The following HMGN3 variants were observed in gnomAD, a reference collection of about 807,000 sequenced individuals.
HMGN3 encodes the protein high mobility group nucleosomal binding domain 3.
HMGN3 carries 6 observed loss-of-function variants against 18.8 expected under a neutral mutation model. That is an observed-to-expected ratio of 0.32 (90% CI 0.18 to 0.63). HMGN3 has a LOEUF of 0.63. Among genes scored for constraint, HMGN3 ranks in the 30% least tolerant of loss-of-function variants. The pLI, the probability that HMGN3 is intolerant of heterozygous loss-of-function variation, is 0.79. For missense variants in HMGN3, 107 were observed against 114.2 expected, an observed-to-expected ratio of 0.94 and a Z score of 0.29; for synonymous variants, 40 against 36.5, an observed-to-expected ratio of 1.10 and a Z score of -0.35.
At chr6:79,216,539 T>C (rs1776991710) in intron 1 of HMGN3, among the ~76,000 whole-genome samples, 1 of 152,232 alleles carries the variant, frequency 6.6e-6, no homozygotes, top group Admixed American at 6.5e-5. Context: ...ACCCAGAGCC[T>C]ATCATATGCC....
rs114465555 is a variant in HMGN3, at chr6:79,208,565, C to T, written c.78G>A (p.Arg26=). ...TACTTACCGCTGACAATCTGGCAGA[C>T]CGTCTTGTGGGCTACAAAGGGAATG... Residue 26 remains arginine, a synonymous_variant, in exon 3 of 6, where the codon CGG becomes CGA. Coordinates refer to ENST00000344726, the Ensembl canonical transcript of HMGN3. 11 of 1,610,742 alleles carry T rather than the reference C, an allele frequency of 6.8e-6. No individual in the cohort carries two copies. In the East Asian group the frequency reaches 1.8e-4, roughly 26 times the overall value.
intron 1 of HMGN3, among the ~76,000 whole-genome samples, chr6:79,226,905 C>A (rs1777590481): frequency 6.6e-6 from 1 of 152,128 alleles, no homozygotes; most frequent in Non-Finnish European, 1.5e-5. Context: ...TGACCAAGAA[C>A]CCCTACGTGA....
chr6:79,233,034 G>C (rs1777929758), intron 1 of HMGN3, among the ~76,000 whole-genome samples: 1 of 152,188 alleles, frequency 6.6e-6, no homozygotes, highest in South Asian at 2.1e-4. Flanking sequence ...AGTACCTTTG[G>C]ATTTCCTTAA....
intron 1 of HMGN3, among the ~76,000 whole-genome samples, chr6:79,217,429 T>C (rs1399756718): frequency 3.3e-5 from 5 of 152,158 alleles, no homozygotes; most frequent in African/African-American, 1.2e-4. Context: ...TAGATGATAA[T>C]GACAGCTAAC....
chr6:79,217,953 G>A (rs895945012), intron 1 of HMGN3, among the ~76,000 whole-genome samples: 7 of 152,216 alleles, frequency 4.6e-5, no homozygotes, highest in African/African-American at 1.7e-4. Flanking sequence ...GGCAAAGGGG[G>A]CTCTTGCCCC....
intron 2 of HMGN3, among the ~76,000 whole-genome samples, chr6:79,210,396 T>G (rs1412695434): frequency 6.6e-6 from 1 of 152,120 alleles, no homozygotes; most frequent in African/African-American, 2.4e-5. Context: ...ACAGTCTCCA[T>G]GCTAAAGAGA....
At chr6:79,214,839 T>G in intron 2 of HMGN3, 133 bp downstream of exon 2, 1 of 626,274 alleles carries the variant, frequency 1.6e-6, no homozygotes, top group Non-Finnish European at 2.8e-6. Flanking sequence ...TCAGGTAGTC[T>G]TAACAACCTT....
At chr6:79,202,033 ACATG>A in intron 5 of HMGN3, 26 bp downstream of exon 6, 4 of 1,529,118 alleles carry the variant, frequency 2.6e-6, no homozygotes, top group African/African-American at 2.8e-5. Flanking sequence ...GTCACTGCAA[ACATG>A]CAGAATTTTC....
intron 1 of HMGN3, among the ~76,000 whole-genome samples, chr6:79,224,096 GT>G (rs1169566976): frequency 6.6e-6 from 1 of 152,204 alleles, no homozygotes; most frequent in East Asian, 1.9e-4. Context: ...ATCTTATGAG[GT>G]TGGTAAAACA....
At position 79,202,098 on chromosome 6, in the gene HMGN3, T is replaced by G. The variant is rs572216179; in HGVS notation, c.261+178A>C. The G allele has an allele frequency of 2.3e-5, 36 of 1,539,802 alleles. No homozygotes were observed. The Middle Eastern group carries it at 5.0e-4, about 21-fold the overall frequency. Reference sequence around the variant, plus strand: ...TCAATCTGCCCCTTTACTGACAGTGTGCTGGGTGGGGTGCCTCTGGAGGTT... The same window carrying G: ...TCAATCTGCCCCTTTACTGACAGTGGGCTGGGTGGGGTGCCTCTGGAGGTT... On this transcript the variant is annotated intron_variant, in intron 5 of 5. Transcript: ENST00000344726.
intron 4 of HMGN3, 131 bp from the exon 5 acceptor site, chr6:79,202,520 C>T (rs538710268): frequency 1.2e-4 from 90 of 732,996 alleles, no homozygotes; most frequent in South Asian, 4.3e-4. Flanking sequence ...TATGGAGACA[C>T]GGGAGCCTAA....
intron 2 of HMGN3, among the ~76,000 whole-genome samples, chr6:79,212,978 A>AC (rs1181584337): frequency 4.6e-5 from 7 of 152,186 alleles, no homozygotes; most frequent in African/African-American, 1.7e-4. Context: ...AATGACAGGT[A>AC]GAGCCTTATC....
chr6:79,222,712 TG>T (rs1366972822), intron 1 of HMGN3, among the ~76,000 whole-genome samples: 2 of 152,224 alleles, frequency 1.3e-5, no homozygotes, highest in Non-Finnish European at 2.9e-5. Context: ...GGTCCCTTCA[TG>T]GGATTAATAA....
intron 1 of HMGN3, among the ~76,000 whole-genome samples, chr6:79,231,296 G>C (rs916104628): frequency 8.5e-5 from 13 of 152,182 alleles, no homozygotes; most frequent in Non-Finnish European, 1.6e-4. Flanking sequence ...ACCACTGCGG[G>C]CATTTGTGGA....
chr6:79,219,984 A>C (rs1777187282), intron 1 of HMGN3, among the ~76,000 whole-genome samples: 1 of 152,220 alleles, frequency 6.6e-6, no homozygotes. Flanking sequence ...GATTAAAATT[A>C]AATAACAAAT....
chr6:79,220,900 G>A (rs1777250816), intron 1 of HMGN3, among the ~76,000 whole-genome samples: 1 of 151,922 alleles, frequency 6.6e-6, no homozygotes, highest in Non-Finnish European at 1.5e-5. Context: ...GGAACCAAGG[G>A]GATGTTTCAA....
intron 1 of HMGN3, among the ~76,000 whole-genome samples, chr6:79,224,664 G>A (rs1037765761): frequency 1.3e-5 from 2 of 152,116 alleles, no homozygotes; most frequent in Non-Finnish European, 2.9e-5. Context: ...ATATTTCTGA[G>A]ATAAACAGGG....
chr6:79,226,894 T>C (rs1777589782), intron 1 of HMGN3, among the ~76,000 whole-genome samples: 1 of 152,162 alleles, frequency 6.6e-6, no homozygotes, highest in Non-Finnish European at 1.5e-5. Flanking sequence ...AATAAATAGC[T>C]TGACCAAGAA....
chr6:79,229,590 A>G (rs1259769376), intron 1 of HMGN3, among the ~76,000 whole-genome samples: 1 of 152,238 alleles, frequency 6.6e-6, no homozygotes, highest in Non-Finnish European at 1.5e-5. Flanking sequence ...AACGTTAAAC[A>G]TAGACGGCCG....
Sources: gnomAD v4.1 joint callset for allele counts (sites outside exome capture counted in the v4.1 genomes callset) on GRCh38, gnomAD v4.1.1 for gene constraint, MANE v1.5 for transcripts, NCBI Gene and HGNC (gene_info 2026-07-23, HGNC 2026-07-21) for gene names.